FBH1: variants seen among roughly 807,000 people sequenced by gnomAD.
The protein encoded by FBH1 is DNA 3'-5' helicase 1.
FBH1 carries 43 observed loss-of-function variants against 115.5 expected under a neutral mutation model. The ratio of observed to expected loss-of-function variants is 0.37; its 90% CI spans 0.29 to 0.48. The LOEUF is 0.48. FBH1 is among the 20% of genes least tolerant of loss of function. The probability of loss-of-function intolerance (pLI) is 0.99; values close to 1 mark genes in which losing one functional copy is unlikely to be tolerated. For missense variants in FBH1, 1,001 were observed against 1,337.3 expected (o/e 0.75, Z 3.92); for synonymous variants, 524 against 507.8 (o/e 1.03, Z -0.43).
Position 5,918,202 on chromosome 10 carries a change from T to G in FBH1, c.1964-140T>G, listed in dbSNP as rs1420151618. The G allele has an allele frequency of 1.1e-6, 1 of 887,140 alleles. No individual in the cohort carries two copies. The highest frequency in any genetic ancestry group is 1.7e-5 in the African/African-American group (1 of 58,364). The allele number at this position is 887,140 out of a possible 1,614,324, so 55.0% of individuals were successfully genotyped here. A position where few individuals can be genotyped will look rare whatever the true frequency, so the allele number is the denominator to read the frequency against. ...TATAAAATGGCTGCTTTTGATGGAG[T>G]GTGCCTGTCCTACAGGAAAAGGCGA... On this transcript the variant is annotated intron_variant, in intron 12 of 20. Coordinates refer to ENST00000362091, the MANE Select transcript of FBH1 (RefSeq NM_178150.3). The surrounding 1 kb of genome is among the most constrained non-coding windows in gnomAD (Gnocchi z 4.0).
intron 13 of FBH1, among the ~76,000 whole-genome samples, chr10:5,919,769 CCTA>C (rs1247264385): frequency 6.6e-6 from 1 of 152,152 alleles, no homozygotes; most frequent in Non-Finnish European, 1.5e-5. Flanking sequence ...CCCTTGAGCT[CCTA>C]CTGCTGTGGT....
rs1224323254 is a variant in FBH1, at chr10:5,921,536, A to T, written c.2289A>T (p.Glu763Asp). Residue 763 changes from glutamate (E) to aspartate (D), a missense_variant, in exon 15 of 21, where the codon GAA becomes GAT. Physicochemically the swap from Glu to Asp is conservative, Grantham distance 45. Transcript: ENST00000362091. The surrounding 1 kb of genome is among the most constrained non-coding windows in gnomAD (Gnocchi z 6.4). ...NVFDEAVRVTEGEFPSRIHLI... is the reference protein window; with the variant it reads ...NVFDEAVRVTDGEFPSRIHLI... Reference sequence around the variant, plus strand: ...TTGATGAGGCCGTACGGGTGACGGAAGGGGAATTCCCTTCAAGGATACATT... The same window carrying T: ...TTGATGAGGCCGTACGGGTGACGGATGGGGAATTCCCTTCAAGGATACATT... The T allele has an allele frequency of 6.3e-7, 1 of 1,594,674 alleles. No homozygotes were observed. The highest frequency in any genetic ancestry group is 2.2e-5 in the East Asian group (1 of 44,806).
At chr10:5,901,527 A>G (rs1422392648) in intron 1 of FBH1, among the ~76,000 whole-genome samples, 1 of 147,836 alleles carries the variant, frequency 6.8e-6, no homozygotes, top group East Asian at 2.0e-4. Flanking sequence ...TCTTTTGACC[A>G]TCTCCTATAA....
chr10:5,906,759 T>G lies in FBH1; in HGVS notation c.753+127T>G. The G allele has an allele frequency of 4.0e-6, 3 of 755,830 alleles. No homozygotes were observed. In the South Asian group the frequency reaches 5.5e-5, roughly 14 times the overall value. The allele number at this position is 755,830 out of a possible 1,614,324, so 46.8% of individuals were successfully genotyped here. A position where few individuals can be genotyped will look rare whatever the true frequency, so the allele number is the denominator to read the frequency against. On this transcript the variant is annotated intron_variant, in intron 3 of 20. Coordinates refer to ENST00000362091, the MANE Select transcript of FBH1 (RefSeq NM_178150.3). The surrounding 1 kb of genome is among the most constrained non-coding windows in gnomAD (Gnocchi z 7.3). ...TGCCTTCAGAAGACATTCAGACTCC[T>G]TAGAGGCATTTAAGGCCTTCCGTGT...
rs1831728165 is a variant in FBH1 at position 5,913,364 on chromosome 10, A to G, written c.1212-383A>G. ...AGAAAGAGGCTGGTGTTTTATCCAC[A>G]GGTGTAGTAAGTATCATTCAAACAA... On this transcript the variant is annotated intron_variant, in intron 6 of 20. Transcript: ENST00000362091. The surrounding 1 kb of genome is among the most constrained non-coding windows in gnomAD (Gnocchi z 4.4). Among the ~76,000 whole-genome samples the G allele has an allele frequency of 1.4e-4, 1 of 7,386 alleles. No individual in the cohort carries two copies. Among genetic ancestry groups the G allele is most frequent in the South Asian group, 1.7e-3 (1 of 576 alleles). The allele number at this position is 7,386 out of a possible 152,430, so 4.8% of individuals were successfully genotyped here.
rs781716700 is a variant in FBH1 at position 5,933,955 on chromosome 10, TTTG to T, written c.2830-2491_2830-2489del. On this transcript the variant is annotated intron_variant, in intron 19 of 20. Transcript: ENST00000362091. The surrounding 1 kb of genome is among the most constrained non-coding windows in gnomAD (Gnocchi z 4.9). ...GCGTGAGCCACCATGTCCAGCCTTTTTTGTTGTTGTTGATCACAGCCTGTGAAT... is the reference window on the plus strand; with the variant it reads ...GCGTGAGCCACCATGTCCAGCCTTTTTTGTTGTTGATCACAGCCTGTGAAT... 2.3e-4 allele frequency among the ~76,000 whole-genome samples: 35 copies of T among 152,246 alleles called. No homozygotes were observed. The highest frequency in any genetic ancestry group is 4.1e-4 in the South Asian group (2 of 4,824).
At chr10:5,890,608 C>T (rs942659287) in intron 1 of FBH1, among the ~76,000 whole-genome samples, 3 of 150,816 alleles carry the variant, frequency 2.0e-5, no homozygotes, top group Non-Finnish European at 4.4e-5. Context: ...CGCTGCCCCC[C>T]GAGGCCAGGA....
At chr10:5,930,815 T>C (rs1832924163) in intron 19 of FBH1, among the ~76,000 whole-genome samples, 2 of 152,262 alleles carry the variant, frequency 1.3e-5, no homozygotes, top group African/African-American at 4.8e-5. Context: ...AGTGGCACGA[T>C]CATGGCTTAC....
Position 5,914,123 on chromosome 10 carries a change from C to G in FBH1, c.1305-55C>G. The G allele has an allele frequency of 6.4e-7, 1 of 1,558,476 alleles. No homozygotes were observed. The highest frequency in any genetic ancestry group is 8.8e-7 in the Non-Finnish European group (1 of 1,130,022). Reference sequence around the variant, plus strand: ...TGTTTGGTTTTTGGACTGTCTATCCCCTGGACTTTTCACGTCTTTCTGTTT... The same window carrying G: ...TGTTTGGTTTTTGGACTGTCTATCCGCTGGACTTTTCACGTCTTTCTGTTT... On this transcript the variant is annotated intron_variant, in intron 7 of 20. Coordinates refer to ENST00000362091, the MANE Select transcript of FBH1 (RefSeq NM_178150.3). This position sits in a 1 kb window ranked among gnomAD's most constrained non-coding sequence, Gnocchi z 5.2.
In FBH1 at chr10:5,936,980, C is replaced by A; in HGVS notation, c.2962-130C>A. 1 of 1,045,134 alleles carries A rather than the reference C, an allele frequency of 9.6e-7. No homozygotes were observed. The highest frequency in any genetic ancestry group is 1.4e-6 in the Non-Finnish European group (1 of 735,262). 64.7% of individuals were successfully genotyped at this position (1,045,134 alleles called of 1,614,324 possible). A position where few individuals can be genotyped will look rare whatever the true frequency, so the allele number is the denominator to read the frequency against. ...GGAGGTGTTACTCTGAGGATGTGCA[C>A]CCCTCTGAAAACATCAGAATCCAAA... On this transcript the variant is annotated intron_variant, in intron 20 of 20. Transcript: ENST00000362091. The surrounding 1 kb of genome is among the most constrained non-coding windows in gnomAD (Gnocchi z 5.6).
rs757322964 is a variant in FBH1, at chr10:5,918,460, C to T, written c.2082C>T (p.His694=). 34 of 1,600,324 alleles carry T rather than the reference C, an allele frequency of 2.1e-5. No individual in the cohort carries two copies. The highest frequency in any genetic ancestry group is 2.6e-5 in the Non-Finnish European group (31 of 1,175,776). Residue 694 remains histidine (H), a synonymous_variant, in exon 13 of 21, where the codon CAC becomes CAT. Transcript: ENST00000362091. The surrounding 1 kb of genome is among the most constrained non-coding windows in gnomAD (Gnocchi z 4.0). ...CCCTGTTCACAGTGCCCCACACCCA[C>T]GTCTTCTATCTCACGCAGGTAAGTG... ...VNALFTVPHT[H]VFYLTQSFRF...
chr10:5,923,266 C>T lies in FBH1; in HGVS notation c.2323-355C>T, dbSNP rs12256080. ...AGGTGCCATTTGTGTTCTTTGGAAT[C>T]GTCTTATGTTCTTGGAAGATGCTTA... On this transcript the variant is annotated intron_variant, in intron 15 of 20. Transcript: ENST00000362091. The surrounding 1 kb of genome is among the most constrained non-coding windows in gnomAD (Gnocchi z 5.7). 0.015 allele frequency among the ~76,000 whole-genome samples: 2,266 copies of T among 152,254 alleles called. 52 individuals carry two copies. Among genetic ancestry groups the T allele is most frequent in the African/African-American group, 0.051 (2,098 of 41,530 alleles).
chr10:5,896,899 A>G (rs1439623490), intron 1 of FBH1, among the ~76,000 whole-genome samples: 1 of 152,182 alleles, frequency 6.6e-6, no homozygotes, highest in Non-Finnish European at 1.5e-5. Context: ...GACTCAGGGA[A>G]GGAGGATTTT....
At chr10:5,927,628 C>A in intron 19 of FBH1, 87 bp downstream of exon 19, 2 of 988,076 alleles carry the variant, frequency 2.0e-6, no homozygotes, top group Non-Finnish European at 3.0e-6. Flanking sequence ...CCTTCAGAGG[C>A]CTTCGGATCA....
rs141755405 is a variant in FBH1, at chr10:5,930,624, T to G, written c.2829+3083T>G. ...GCTCACAGCCTCCTTAGGAGTAGGTTAGTTTTTCCCCGTTAGTGATGCTGA... is the reference window on the plus strand; with the variant it reads ...GCTCACAGCCTCCTTAGGAGTAGGTGAGTTTTTCCCCGTTAGTGATGCTGA... On this transcript the variant is annotated intron_variant, in intron 19 of 20. Coordinates refer to ENST00000362091, the MANE Select transcript of FBH1 (RefSeq NM_178150.3). Among the ~76,000 whole-genome samples the G allele has an allele frequency of 2.2e-4, 33 of 152,326 alleles. 1 individual carries two copies. Among genetic ancestry groups the G allele is most frequent in the Admixed American group, 2.0e-3 (31 of 15,302 alleles).
rs1843092357 is a variant in FBH1, at chr10:5,897,688, C to T, written c.2-5332C>T. On this transcript the variant is annotated intron_variant, in intron 1 of 20. Coordinates refer to ENST00000362091, the MANE Select transcript of FBH1 (RefSeq NM_178150.3). The surrounding 1 kb of genome is among the most constrained non-coding windows in gnomAD (Gnocchi z 4.7). ...CCAGATCACCAGTCTAAGCGCCCCTCCCCCGGTACCGAACCTCAGTTCCTC... is the reference window on the plus strand; with the variant it reads ...CCAGATCACCAGTCTAAGCGCCCCTTCCCCGGTACCGAACCTCAGTTCCTC... Among the ~76,000 whole-genome samples, 1 of 152,100 alleles carries T rather than the reference C, an allele frequency of 6.6e-6. No individual in the cohort carries two copies. The highest frequency in any genetic ancestry group is 1.5e-5 in the Non-Finnish European group (1 of 68,000).
chr10:5,923,999 C>T lies in FBH1; in HGVS notation c.2398+303C>T. 1.8e-6 allele frequency: 1 copy of T among 559,936 alleles called. No individual in the cohort carries two copies. The highest frequency in any genetic ancestry group is 3.2e-6 in the Non-Finnish European group (1 of 315,182). The allele number at this position is 559,936 out of a possible 1,614,324, so 34.7% of individuals were successfully genotyped here. ...TATACGTTGATACTTCCACGTGGGC[C>T]CCAAGTGATAGCGTCGAGCATTTCT... On this transcript the variant is annotated intron_variant, in intron 16 of 20. Transcript: ENST00000362091. The surrounding 1 kb of genome is among the most constrained non-coding windows in gnomAD (Gnocchi z 5.7).
rs774630456 is a variant in FBH1 at position 5,937,169 on chromosome 10, C to T, written c.3021C>T (p.Ile1007=). The T allele has an allele frequency of 1.5e-5, 25 of 1,613,938 alleles. No individual in the cohort carries two copies. Among genetic ancestry groups the T allele is most frequent in the South Asian group, 1.1e-4 (10 of 91,022 alleles). Residue 1007 remains isoleucine, a synonymous_variant, in exon 21 of 21, where the codon ATC becomes ATT. Coordinates refer to ENST00000362091, the MANE Select transcript of FBH1 (RefSeq NM_178150.3). The stretch of plus-strand genomic sequence containing the variant: ...GCCACTCCTGTGCGGAGCAGCGCAT[C>T]GGGCCCCTGGCGTTCCTGACAGCCT... ...YLCHSCAEQR[I]GPLAFLTASP...
At position 5,890,340 on chromosome 10, in the gene FBH1, C is replaced by T. The variant is rs1017824241; in HGVS notation, c.-6C>T. On this transcript the variant is annotated 5_prime_UTR_variant, in exon 1 of 21. Coordinates refer to ENST00000362091, the MANE Select transcript of FBH1 (RefSeq NM_178150.3). ...GCGGCAGCGGGGTCCGGGTCCGGAG[C>T]GCCACAGTGCGTGAGGCCGCAGACG... 26 of 376,520 alleles carry T rather than the reference C, an allele frequency of 6.9e-5. No individual in the cohort carries two copies. The highest frequency in any genetic ancestry group is 1.2e-4 in the Non-Finnish European group (25 of 202,458). The allele number at this position is 376,520 out of a possible 1,614,324, so 23.3% of individuals were successfully genotyped here.
Sources: allele counts gnomAD v4.1 joint callset (sites outside exome capture counted in the v4.1 genomes callset), GRCh38; gene constraint gnomAD v4.1.1; non-coding constraint Gnocchi (gnomAD v3.1); transcripts MANE v1.5; gene names NCBI Gene and HGNC (gene_info 2026-07-23, HGNC 2026-07-21).